The following NAAA variants were observed in gnomAD, a reference collection of about 807,000 sequenced individuals.
NAAA encodes the protein N-acylethanolamine acid amidase.
A neutral mutation model predicts 44.8 loss-of-function variants in NAAA; 39 were observed. The ratio of observed to expected loss-of-function variants is 0.87; its 90% CI spans 0.67 to 1.14. The LOEUF is 1.14. NAAA is among the 50% of genes most tolerant of loss of function. The pLI is 0.00. For missense variants in NAAA, 460 were observed against 467.8 expected (o/e 0.98, Z 0.15); for synonymous variants, 178 against 191.3 (o/e 0.93, Z 0.58).
At chr4:75,918,335 G>T (rs1163884463) in intron 9 of NAAA, among the ~76,000 whole-genome samples, 2 of 152,032 alleles carry the variant, frequency 1.3e-5, no homozygotes, top group South Asian at 4.1e-4. Flanking sequence ...CGAGCCTGTA[G>T]TCCCAGCCAC....
rs886183611 is a variant in NAAA at position 75,921,057 on chromosome 4, C to A, written c.733G>T (p.Asp245Tyr). The change falls in exon 6 of 11, where the codon GAT becomes TAT. Residue 245 changes from aspartate to tyrosine, a missense_variant. Coordinates refer to ENST00000286733, the MANE Select transcript of NAAA (RefSeq NM_014435.4). Reference protein sequence around the residue: ...GKLAKTPLIADVYYIVGGTSP... With the variant: ...GKLAKTPLIAYVYYIVGGTSP... ...GTGCCACCAACAATGTAATAAACAT[C>A]AGCAATAAGGGGAGTCTTGGCCAAC... 3 of 1,605,312 alleles carry A rather than the reference C, an allele frequency of 1.9e-6. No homozygotes were observed. The highest frequency in any genetic ancestry group is 2.5e-6 in the Non-Finnish European group (3 of 1,178,088).
intron 2 of NAAA, among the ~76,000 whole-genome samples, chr4:75,938,103 C>T (rs912918094): frequency 6.6e-6 from 1 of 152,192 alleles, no homozygotes; most frequent in Non-Finnish European, 1.5e-5. Flanking sequence ...GTTTCCACAT[C>T]ACAAAACAGA....
downstream of NAAA, among the ~76,000 whole-genome samples, chr4:75,912,358 G>T (rs192569685): frequency 5.9e-5 from 9 of 152,136 alleles, no homozygotes; most frequent in East Asian, 5.8e-4. Context: ...TTCGAGACCA[G>T]CCTGACCAAC....
chr4:75,940,115 T>G lies in NAAA; in HGVS notation c.257A>C (p.Glu86Ala), dbSNP rs1352727935. 6.2e-7 allele frequency: 1 copy of G among 1,613,978 alleles called. No homozygotes were observed. Among genetic ancestry groups the G allele is most frequent in the African/African-American group, 1.3e-5 (1 of 74,922 alleles). ...GGGCTGGGGCAGGAAGCGCTCCAGC[T>G]CCAGGACCACTTTTCCGATTAACAC... is the stretch of plus-strand genomic sequence containing the variant. ...VHVLIGKVVL[E>A]LERFLPQPFT... is the part of the protein sequence containing the mutation. Residue 86 changes from glutamate (E) to alanine (A), a missense_variant, in exon 2 of 11, where the codon GAG (glutamate) becomes GCG (alanine). Glu to Ala is a moderately radical substitution (Grantham distance 107). Transcript: ENST00000286733.
intron 10 of NAAA, 97 bp downstream of exon 10, chr4:75,914,771 T>C (rs1274618380): frequency 2.8e-6 from 2 of 722,106 alleles, no homozygotes; most frequent in South Asian, 2.2e-5. Flanking sequence ...TCAGAAAATA[T>C]TATATATGTA....
rs980884997 is a variant in NAAA at position 75,940,878 on chromosome 4, C to T, written c.72G>A (p.Gly24=). 2.6e-6 allele frequency: 4 copies of T among 1,560,178 alleles called. No homozygotes were observed. Among genetic ancestry groups the T allele is most frequent in the African/African-American group, 2.8e-5 (2 of 71,504 alleles). Residue 24 remains glycine, a synonymous_variant, in exon 1 of 11, where the codon GGG becomes GGA. Transcript: ENST00000286733. ...CTGCTGGGGGCGAGGCGGCTGACAG[C>T]CCGGCCCCGGCCAGCAGCAGCAGCA... The part of the protein sequence containing the change: ...SLLLLLLAGA[G]LSAASPPAAP...
intron 8 of NAAA, 86 bp from the exon 9 acceptor site, chr4:75,918,875 G>T (rs768309236): frequency 2.1e-4 from 268 of 1,294,838 alleles, no homozygotes; most frequent in Non-Finnish European, 3.8e-5. Flanking sequence ...GGGTGCAGTG[G>T]CTCAGGCCTG....
downstream of NAAA, among the ~76,000 whole-genome samples, chr4:75,910,887 G>A (rs1192053063): frequency 5.3e-5 from 8 of 152,146 alleles, 1 homozygote; most frequent in Non-Finnish European, 2.9e-5. Context: ...GGGTGCACGT[G>A]GGCTGAGTCC....
chr4:75,921,260 CTCT>C (rs1726141038), intron 5 of NAAA, 137 bp from the exon 6 acceptor site: 2 of 806,272 alleles, frequency 2.5e-6, no homozygotes, highest in Admixed American at 7.2e-5. Flanking sequence ...TGACCTTATC[CTCT>C]TGTTATCAGG....
At chr4:75,933,374 C>T (rs886622898) in intron 3 of NAAA, among the ~76,000 whole-genome samples, 1 of 152,084 alleles carries the variant, frequency 6.6e-6, no homozygotes, top group African/African-American at 2.4e-5. Flanking sequence ...ATGACCTCAG[C>T]CCTCAGACTT....
downstream of NAAA, chr4:75,911,271 G>A: frequency 2.0e-6 from 1 of 510,594 alleles, no homozygotes; most frequent in South Asian, 1.5e-5. Context: ...CCATCTGGAT[G>A]TATACGTGCA....
At position 75,928,007 on chromosome 4, in the gene NAAA, T is replaced by G. The variant is rs1310481983; in HGVS notation, c.590-2196A>C. 2.6e-5 allele frequency among the ~76,000 whole-genome samples: 4 copies of G among 152,304 alleles called. No homozygotes were observed. In the East Asian group the frequency reaches 7.7e-4, roughly 29 times the overall value. ...ATGTGTATCAATAACAAAATTAATTTTTAAAAACCCACTCTAGCAATTTTG... is the reference window on the plus strand; with the variant it reads ...ATGTGTATCAATAACAAAATTAATTGTTAAAAACCCACTCTAGCAATTTTG... On this transcript the variant is annotated intron_variant, in intron 4 of 10. Transcript: ENST00000286733.
In NAAA at chr4:75,932,022, G is replaced by C. The variant is rs1330010702; in HGVS notation, c.499-718C>G. The stretch of plus-strand genomic sequence containing the variant: ...AGGTGGGCAGAACACCTGAGGTCGG[G>C]AGTTCAAGACCAGCCTGACCAACGT... On this transcript the variant is annotated intron_variant, in intron 3 of 10. Coordinates refer to ENST00000286733, the MANE Select transcript of NAAA (RefSeq NM_014435.4). Among the ~76,000 whole-genome samples, 16 of 152,158 alleles carry C rather than the reference G, an allele frequency of 1.1e-4. 1 individual carries two copies. The highest frequency in any genetic ancestry group is 1.5e-5 in the Non-Finnish European group (1 of 68,038).
chr4:75,932,225 G>C (rs1727293277), intron 3 of NAAA, among the ~76,000 whole-genome samples: 1 of 152,080 alleles, frequency 6.6e-6, no homozygotes, highest in African/African-American at 2.4e-5. Flanking sequence ...GTGAAACTCT[G>C]TCTCAAAAAT....
downstream of NAAA, among the ~76,000 whole-genome samples, chr4:75,912,846 G>T (rs895747434): frequency 2.6e-5 from 4 of 152,254 alleles, no homozygotes; most frequent in African/African-American, 9.6e-5. Flanking sequence ...GCTGGCATGA[G>T]TAAACTACTT....
intron 9 of NAAA, chr4:75,916,926 C>T (rs947196979): frequency 2.4e-4 from 38 of 157,334 alleles, no homozygotes; most frequent in Non-Finnish European, 1.2e-4. Flanking sequence ...ATTACAGGCA[C>T]GCACCATGAC....
At chr4:75,915,074 T>G in intron 9 of NAAA, 89 bp from the exon 10 acceptor site, 1 of 982,858 alleles carries the variant, frequency 1.0e-6, no homozygotes, top group African/African-American at 1.6e-5. Context: ...CCCTAACACT[T>G]GAGATCTGGG....
At chr4:75,928,928 C>T (rs777608712) in intron 4 of NAAA, among the ~76,000 whole-genome samples, 12 of 151,652 alleles carry the variant, frequency 7.9e-5, no homozygotes, top group African/African-American at 2.9e-4. Context: ...GCTGGGACTA[C>T]AGGCACCCGC....
At chr4:75,936,622 C>T (rs369659024) in intron 2 of NAAA, among the ~76,000 whole-genome samples, 1 of 152,240 alleles carries the variant, frequency 6.6e-6, no homozygotes, top group African/African-American at 2.4e-5. Flanking sequence ...GATTCAAAGC[C>T]AGCTCAAGCT....
Sources: allele counts gnomAD v4.1 joint callset (sites outside exome capture counted in the v4.1 genomes callset), GRCh38; gene constraint gnomAD v4.1.1; transcripts MANE v1.5; gene names NCBI Gene and HGNC (gene_info 2026-07-23, HGNC 2026-07-21).